SEMA3E: variants seen among roughly 807,000 people sequenced by gnomAD.
The protein encoded by SEMA3E is semaphorin-3E.
In SEMA3E, 49 loss-of-function variants were observed where a neutral mutation model predicts 93.6. That is an observed-to-expected ratio of 0.52 (90% CI 0.42 to 0.66). The LOEUF (loss-of-function observed/expected upper bound fraction) is 0.66, where lower values mean the gene tolerates loss of function less well. SEMA3E is among the 30% of genes least tolerant of loss of function. The probability of loss-of-function intolerance (pLI) is 0.00; values close to 1 mark genes in which losing one functional copy is unlikely to be tolerated. For synonymous variants in SEMA3E, 363 were observed against 330.7 expected (o/e 1.10, Z -1.06); for missense variants, 906 against 964.8 (o/e 0.94, Z 0.81).
At chr7:83,558,406 C>T (rs13230243) in intron 1 of SEMA3E, among the ~76,000 whole-genome samples, 4,777 of 152,108 alleles carry the variant, frequency 0.031, 96 homozygotes, top group Non-Finnish European at 0.045. Context: ...GTCTACTGTG[C>T]TACTGGTATT....
intron 1 of SEMA3E, among the ~76,000 whole-genome samples, chr7:83,592,638 G>A (rs961310477): frequency 3.3e-5 from 5 of 152,148 alleles, no homozygotes; most frequent in Non-Finnish European, 5.9e-5. Flanking sequence ...TGCTATGCAA[G>A]AGGACATATC....
At chr7:83,588,017 A>G (rs1238000553) in intron 1 of SEMA3E, among the ~76,000 whole-genome samples, 1 of 152,130 alleles carries the variant, frequency 6.6e-6, no homozygotes, top group Admixed American at 6.6e-5. Context: ...TATTTATACT[A>G]ATAATCTTTT....
At chr7:83,549,782 T>C (rs1791723016) in intron 1 of SEMA3E, among the ~76,000 whole-genome samples, 1 of 152,056 alleles carries the variant, frequency 6.6e-6, no homozygotes, top group South Asian at 2.1e-4. Flanking sequence ...GCAACATGAG[T>C]GCTTTTTCAT....
intron 1 of SEMA3E, among the ~76,000 whole-genome samples, chr7:83,515,804 G>A (rs553964674): frequency 6.6e-6 from 1 of 152,236 alleles, no homozygotes; most frequent in South Asian, 2.1e-4. Context: ...GAGGCAGATG[G>A]ATCACCTGCG....
intron 13 of SEMA3E, 44 bp from the exon 14 acceptor site, chr7:83,392,765 T>C: frequency 6.4e-7 from 1 of 1,571,422 alleles, no homozygotes; most frequent in Non-Finnish European, 8.8e-7. Context: ...TGGACAAAAC[T>C]TTCACTGAGC....
rs760431278 is a variant in SEMA3E at position 83,367,910 on chromosome 7, G to T, written c.2004C>A (p.Ile668=). ...TCTCCTCTTCCACTACCTCCAAGGT[G>T]ATTTTACGGACCGTATGGACAAAGC... ...EHSFVHTVRK[I]TLEVVEEEKV... The change falls in exon 17 of 17, where the codon ATC becomes ATA. Residue 668 remains isoleucine, a synonymous_variant. Coordinates refer to ENST00000643230, the MANE Select transcript of SEMA3E (RefSeq NM_012431.3). 1 of 1,610,772 alleles carries T rather than the reference G, an allele frequency of 6.2e-7. No homozygotes were observed. Among genetic ancestry groups the T allele is most frequent in the South Asian group, 1.1e-5 (1 of 90,894 alleles).
chr7:83,523,281 T>C (rs554044133), intron 1 of SEMA3E, among the ~76,000 whole-genome samples: 1 of 152,246 alleles, frequency 6.6e-6, no homozygotes, highest in East Asian at 1.9e-4. Context: ...GAACAGTTTT[T>C]ACTCGTGTTT....
intron 15 of SEMA3E, 117 bp downstream of exon 15, chr7:83,386,866 A>T: frequency 1.1e-6 from 1 of 907,336 alleles, no homozygotes; most frequent in Non-Finnish European, 1.7e-6. Flanking sequence ...AATACTTATT[A>T]CATTGTTCTA....
chr7:83,463,683 G>A (rs1789685329), intron 4 of SEMA3E, among the ~76,000 whole-genome samples: 1 of 152,040 alleles, frequency 6.6e-6, no homozygotes, highest in Non-Finnish European at 1.5e-5. Flanking sequence ...CCACACACCA[G>A]CAAAGGCAGG....
intron 1 of SEMA3E, among the ~76,000 whole-genome samples, chr7:83,622,358 A>C (rs192851737): frequency 1.1e-4 from 16 of 152,324 alleles, no homozygotes; most frequent in African/African-American, 3.6e-4. Context: ...GTGGAGAAAA[A>C]CAAATGCTTA....
rs1341074577 is a variant in SEMA3E, at chr7:83,392,625, G to A, written c.1597C>T (p.Arg533Ter). Residue 533 changes from arginine (R) to a stop codon, truncating the protein, a stop_gained, in exon 14 of 17, where the codon CGA becomes TGA. Coordinates refer to ENST00000643230, the MANE Select transcript of SEMA3E (RefSeq NM_012431.3). LOFTEE classifies it high-confidence loss of function. ...GSACADCCLA[R>*]DPYCAWDGIS... ...CCATCCCAGGCACAGTAAGGGTCTCGAGCCAGGCAGCAGTCAGCACAAGCA... is the reference window on the plus strand; with the variant it reads ...CCATCCCAGGCACAGTAAGGGTCTCAAGCCAGGCAGCAGTCAGCACAAGCA... 1.9e-6 allele frequency: 3 copies of A among 1,613,696 alleles called. No individual in the cohort carries two copies. Among genetic ancestry groups the A allele is most frequent in the African/African-American group, 1.3e-5 (1 of 74,870 alleles).
At chr7:83,606,135 C>T (rs923083050) in intron 1 of SEMA3E, among the ~76,000 whole-genome samples, 40 of 152,256 alleles carry the variant, frequency 2.6e-4, no homozygotes, top group African/African-American at 7.5e-4. Context: ...CTGTACTTGA[C>T]GACAAAATTG....
At position 83,490,164 on chromosome 7, in the gene SEMA3E, C is replaced by G; in HGVS notation, c.226G>C (p.Asp76His). 1 of 1,613,060 alleles carries G rather than the reference C, an allele frequency of 6.2e-7. No individual in the cohort carries two copies. The highest frequency in any genetic ancestry group is 8.5e-7 in the Non-Finnish European group (1 of 1,179,430). The change falls in exon 2 of 17, where the codon GAC becomes CAC. Residue 76 changes from aspartate to histidine, a missense_variant. Asp to His is a moderately conservative substitution (Grantham distance 81). Coordinates refer to ENST00000643230, the MANE Select transcript of SEMA3E (RefSeq NM_012431.3). ...YQERLFVGGR[D>H]LVYSLSLERI... is the part of the protein sequence containing the mutation. ...TCCAAGCTGAGGGAATATACAAGGT[C>G]CCTGCCTCCCACGAAGAGCCTCTCT... is the stretch of plus-strand genomic sequence containing the variant.
intron 4 of SEMA3E, among the ~76,000 whole-genome samples, chr7:83,439,371 C>T (rs1269053278): frequency 6.6e-6 from 1 of 152,226 alleles, no homozygotes; most frequent in Admixed American, 6.5e-5. Flanking sequence ...GCCCAGGCTG[C>T]AGCCATATAG....
intron 1 of SEMA3E, among the ~76,000 whole-genome samples, chr7:83,540,869 G>T (rs1281000267): frequency 1.3e-5 from 2 of 152,178 alleles, no homozygotes; most frequent in Non-Finnish European, 2.9e-5. Context: ...GAGCTTTAAT[G>T]ACTTTGTTTT....
At chr7:83,423,606 C>T (rs1788712290) in intron 4 of SEMA3E, among the ~76,000 whole-genome samples, 3 of 151,106 alleles carry the variant, frequency 2.0e-5, no homozygotes, top group Admixed American at 6.6e-5. Flanking sequence ...CGGGTTCATG[C>T]CATTCTCCTG....
chr7:83,379,622 C>T (rs1787739234), intron 16 of SEMA3E, among the ~76,000 whole-genome samples: 1 of 151,800 alleles, frequency 6.6e-6, no homozygotes, highest in Admixed American at 6.6e-5. Context: ...TTTATTTCAT[C>T]ACTCTCTAAG....
chr7:83,452,770 A>AT (rs1186114820), intron 4 of SEMA3E, among the ~76,000 whole-genome samples: 1 of 152,190 alleles, frequency 6.6e-6, no homozygotes, highest in African/African-American at 2.4e-5. Flanking sequence ...ATTCTAGAAC[A>AT]TTTTTAAATA....
intron 3 of SEMA3E, among the ~76,000 whole-genome samples, chr7:83,468,994 T>A (rs769125806): frequency 2.0e-5 from 3 of 152,206 alleles, no homozygotes; most frequent in Non-Finnish European, 4.4e-5. Flanking sequence ...AAGGAATGTA[T>A]AAACCCAAGT....
Sources: allele counts gnomAD v4.1 joint callset (sites outside exome capture counted in the v4.1 genomes callset), GRCh38; gene constraint gnomAD v4.1.1; transcripts MANE v1.5; gene names NCBI Gene and HGNC (gene_info 2026-07-23, HGNC 2026-07-21).